The following SOD2 variants were observed in gnomAD, a reference collection of about 807,000 sequenced individuals.
SOD2 encodes the protein superoxide dismutase [Mn], mitochondrial.
In SOD2, 11 loss-of-function variants were observed where a neutral mutation model predicts 27.0. That is an observed-to-expected ratio of 0.41 (90% CI 0.26 to 0.67). SOD2 has a LOEUF of 0.67. Ranked by LOEUF, SOD2 falls within the 30% of genes least tolerant of loss-of-function variation. The pLI is 0.34. For missense variants in SOD2, 250 were observed against 274.5 expected (o/e 0.91, Z 0.63); for synonymous variants, 105 against 103.0 (o/e 1.02, Z -0.12).
chr6:159,732,238 T>C (rs139581547), upstream of SOD2, among the ~76,000 whole-genome samples: 3 of 152,304 alleles, frequency 2.0e-5, no homozygotes, highest in Non-Finnish European at 1.5e-5. Flanking sequence ...TATAATAACT[T>C]TTATAAGCTG....
rs922108711 is a variant in SOD2, at chr6:159,673,579, C to G, written c.*8914G>C. ...ACAAAGACACAACATACCAGAATCT[C>G]TGGGACACATTTAAAGCAGTGTGTA... is the stretch of plus-strand genomic sequence containing the variant. On this transcript the variant is annotated 3_prime_UTR_variant, in exon 5 of 5. Coordinates refer to ENST00000538183, the MANE Select transcript of SOD2 (RefSeq NM_000636.4). 6.6e-6 allele frequency: 1 copy of G among 152,128 alleles called. No homozygotes were observed. Among genetic ancestry groups the G allele is most frequent in the African/African-American group, 2.4e-5 (1 of 41,422 alleles). 9.4% of individuals were successfully genotyped at this position (152,128 alleles called of 1,614,324 possible).
chr6:159,713,849 G>T, intron 1 of SOD2: 2 of 1,090,824 alleles, frequency 1.8e-6, no homozygotes, highest in Non-Finnish European at 2.8e-6. Flanking sequence ...GCCTTCTCCG[G>T]TGTAGATGAA....
intron 1 of SOD2, among the ~76,000 whole-genome samples, chr6:159,711,181 CACCTCCACAACCACCACTCACATT>C: frequency 4.4e-5 from 4 of 89,956 alleles, no homozygotes; most frequent in African/African-American, 2.3e-4. Context: ...TCACCATAAC[CACCTCCACAACCACCACTCACATT>C]GCTCTGATCA....
At chr6:159,706,583 A>G (rs1777631388) in intron 1 of SOD2, among the ~76,000 whole-genome samples, 1 of 152,186 alleles carries the variant, frequency 6.6e-6, no homozygotes, top group South Asian at 2.1e-4. Flanking sequence ...CTAAATATAT[A>G]TGCACCCAAT....
intron 1 of SOD2, among the ~76,000 whole-genome samples, chr6:159,704,534 C>A (rs1018911105): frequency 6.6e-6 from 1 of 152,234 alleles, no homozygotes; most frequent in African/African-American, 2.4e-5. Flanking sequence ...ACTGCTAGCA[C>A]AGCAGCCTGA....
intron 1 of SOD2, chr6:159,713,103 T>G: frequency 1.3e-6 from 1 of 796,030 alleles, no homozygotes; most frequent in East Asian, 2.7e-5. Context: ...TTAGTGGCTC[T>G]GTAAGGTAAA....
chr6:159,712,829 A>G, intron 1 of SOD2: 2 of 581,874 alleles, frequency 3.4e-6, no homozygotes, highest in South Asian at 1.5e-5. Flanking sequence ...TTTGCCTACC[A>G]TAAGCACCAC....
Position 159,753,342 on chromosome 6 carries a change from G to A in SOD2, c.-335-4666C>T, listed in dbSNP as rs184110935. 2.9e-4 allele frequency: 400 copies of A among 1,361,494 alleles called. 5 individuals are homozygous for A. The Middle Eastern group carries it at 3.2e-3, about 11-fold the overall frequency. 84.3% of individuals were successfully genotyped at this position (1,361,494 alleles called of 1,614,324 possible). A position where few individuals can be genotyped will look rare whatever the true frequency, so the allele number is the denominator to read the frequency against. ...CAGAAAAGAAGATGGTAATTATGGG[G>A]AAGCATCTGCTGTGATATAGTTATG... On this transcript the variant is annotated intron_variant, in intron 1 of 7. Transcript: ENST00000546087.
At chr6:159,721,675 C>CTTTT (rs55950207) in intron 1 of SOD2, among the ~76,000 whole-genome samples, 1 of 82,252 alleles carries the variant, frequency 1.2e-5, no homozygotes, top group Non-Finnish European at 2.1e-5. Context: ...TGCGGCTGAC[C>CTTTT]TTTTTTTTTT....
In SOD2 at chr6:159,692,763, T is replaced by C; in HGVS notation, c.124A>G (p.Ile42Val). 6.2e-7 allele frequency: 1 copy of C among 1,614,152 alleles called. No homozygotes were observed. Among genetic ancestry groups the C allele is most frequent in the Admixed American group, 1.7e-5 (1 of 60,024 alleles). The change falls in exon 2 of 5, where the codon ATC becomes GTC. Residue 42 changes from isoleucine to valine, a missense_variant. By Grantham distance (29) the Ile-to-Val change is conservative (BLOSUM62 3). Transcript: ENST00000538183. ...TGCAGCTGCATGATCTGCGCGTTGA[T>C]GTGAGGTTCCAGGGCGCCGTAGTCG... The part of the protein sequence containing the change: ...PYDYGALEPH[I>V]NAQIMQLHHS...
At chr6:159,736,461 T>TA (rs2114897895) in intron 1 of SOD2, 1 of 547,240 alleles carries the variant, frequency 1.8e-6, no homozygotes, top group African/African-American at 1.9e-5. Context: ...GTGTGCCAGA[T>TA]ATTGTATCTT....
chr6:159,732,874 G>GTA (rs770397932), intron 1 of SOD2, among the ~76,000 whole-genome samples: 2,053 of 125,280 alleles, frequency 0.016, 24 homozygotes, highest in Non-Finnish European at 0.023. Flanking sequence ...CTCTCTCTCT[G>GTA]TATATATATA....
At chr6:159,689,012 GGGGGGT>G (rs1013757058) in intron 2 of SOD2, among the ~76,000 whole-genome samples, 2 of 152,168 alleles carry the variant, frequency 1.3e-5, no homozygotes, top group Admixed American at 1.3e-4. Flanking sequence ...CCTCAGTTTT[GGGGGGT>G]GGGGGTGGGC....
upstream of SOD2, among the ~76,000 whole-genome samples, chr6:159,731,304 GAAAA>G (rs974765366): frequency 1.4e-5 from 2 of 141,248 alleles, no homozygotes; most frequent in South Asian, 2.3e-4. Flanking sequence ...CTACTACCAA[GAAAA>G]AAAAAACAAA....
intron 1 of SOD2, among the ~76,000 whole-genome samples, chr6:159,700,859 C>G (rs1777512130): frequency 6.6e-6 from 1 of 151,990 alleles, no homozygotes; most frequent in Non-Finnish European, 1.5e-5. Flanking sequence ...TTTTACTGAC[C>G]TGATTTTCAT....
At chr6:159,739,799 A>G (rs1458371708) in intron 1 of SOD2, among the ~76,000 whole-genome samples, 1 of 135,550 alleles carries the variant, frequency 7.4e-6, no homozygotes, top group Non-Finnish European at 1.6e-5. Flanking sequence ...TTGGACAGCT[A>G]CTGTATTATG....
chr6:159,749,383 A>G, upstream of SOD2: 2 of 982,580 alleles, frequency 2.0e-6, no homozygotes, highest in African/African-American at 1.8e-5. Context: ...GGCCTTTTGT[A>G]TTGCACTCTT....
upstream of SOD2, among the ~76,000 whole-genome samples, chr6:159,731,416 T>C (rs1455408393): frequency 1.3e-5 from 2 of 151,818 alleles, no homozygotes; most frequent in African/African-American, 2.4e-5. Context: ...TGCAGTGAGC[T>C]GTGATCGAGT....
intron 1 of SOD2, chr6:159,755,305 G>C (rs374008404): frequency 6.2e-7 from 1 of 1,614,242 alleles, no homozygotes; most frequent in South Asian, 1.1e-5. Context: ...TTCACAGGGA[G>C]GGCAACACAA....
Sources: allele counts gnomAD v4.1 joint callset (sites outside exome capture counted in the v4.1 genomes callset), GRCh38; gene constraint gnomAD v4.1.1; transcripts MANE v1.5; gene names NCBI Gene and HGNC (gene_info 2026-07-23, HGNC 2026-07-21).